CNKSR2: variants seen among roughly 807,000 people sequenced by gnomAD.
The protein encoded by CNKSR2 is CNK homolog protein 2.
In CNKSR2, 14 loss-of-function variants were observed where a neutral mutation model predicts 84.4. The observed-to-expected ratio is 0.17, with a 90% confidence interval of 0.11 to 0.26. The LOEUF is 0.26. Ranked by LOEUF, CNKSR2 falls within the 10% of genes least tolerant of loss-of-function variation. The pLI is 1.00. For synonymous variants in CNKSR2, 275 were observed against 277.9 expected (o/e 0.99, Z 0.10); for missense variants, 485 against 771.2 (o/e 0.63, Z 4.40).
At chrX:21,453,940 A>T (rs1392713173) in intron 4 of CNKSR2, among the ~76,000 whole-genome samples, 6 of 111,975 alleles carry the variant, frequency 5.4e-5, no homozygotes, top group African/African-American at 1.9e-4. Context: ...ACACACCTCC[A>T]TGATTTAATC....
intron 20 of CNKSR2, chrX:21,641,895 G>A (rs2092692830): frequency 1.2e-6 from 1 of 818,087 alleles, no homozygotes; most frequent in Non-Finnish European, 1.5e-6. Context: ...AGAAAACTGC[G>A]GTTTCTGTGG....
At chrX:21,422,782 A>G (rs2090515690) in intron 1 of CNKSR2, among the ~76,000 whole-genome samples, 1 of 111,477 alleles carries the variant, frequency 9.0e-6, no homozygotes, top group Admixed American at 9.5e-5. Context: ...TATTCCAATT[A>G]CCCTGTTTTT....
At position 21,652,424 on chromosome X, in the gene CNKSR2, A is replaced by G. The variant is rs1224065968; in HGVS notation, c.3008A>G (p.Asn1003Ser). 2.5e-6 allele frequency: 3 copies of G among 1,209,271 alleles called. No individual in the cohort carries two copies. In the Admixed American group the frequency reaches 6.5e-5, roughly 26 times the overall value. Residue 1003 changes from asparagine to serine, a missense_variant, in exon 22 of 22, where the codon AAT (asparagine) becomes AGT (serine). By Grantham distance (46) the Asn-to-Ser change is conservative (BLOSUM62 1). This residue lies in a region of CNKSR2 where 210 missense variants were observed against 291.5 expected (regional missense o/e 0.72). Coordinates refer to ENST00000379510, the MANE Select transcript of CNKSR2 (RefSeq NM_014927.5). ...YLDLFLDICQ[N>S]TTSNDPLSIS... Reference sequence around the variant, plus strand: ...GACCTTTTCTTGGATATCTGTCAAAATACCACCTCAAATGACCCACTGAGT... The same window carrying G: ...GACCTTTTCTTGGATATCTGTCAAAGTACCACCTCAAATGACCCACTGAGT...
intron 1 of CNKSR2, among the ~76,000 whole-genome samples, chrX:21,385,885 G>C (rs2089961875): frequency 9.1e-6 from 1 of 110,016 alleles, no homozygotes; most frequent in Admixed American, 9.7e-5. Context: ...ACGATGAGTT[G>C]TTTCTACTTC....
Position 21,552,931 on chromosome X carries a change from C to T in CNKSR2, c.1304-8540C>T, listed in dbSNP as rs1360088928. 3.6e-5 allele frequency among the ~76,000 whole-genome samples: 4 copies of T among 111,577 alleles called. No homozygotes were observed. In the Admixed American group the frequency reaches 3.8e-4, roughly 11 times the overall value. ...TGAATAATGACTGGAGACATTAGAG[C>T]AAATAATTAAAACAGTATACAGCCA... On this transcript the variant is annotated intron_variant, in intron 11 of 21. Transcript: ENST00000379510.
At chrX:21,605,598 G>C (rs889185687) in intron 18 of CNKSR2, among the ~76,000 whole-genome samples, 3 of 111,839 alleles carry the variant, frequency 2.7e-5, no homozygotes, top group African/African-American at 9.7e-5. Context: ...AGTCTCCAGA[G>C]CTTTAGGGTA....
intron 4 of CNKSR2, among the ~76,000 whole-genome samples, chrX:21,463,227 T>C (rs978654542): frequency 1.8e-5 from 2 of 110,910 alleles, no homozygotes; most frequent in African/African-American, 6.6e-5. Flanking sequence ...TGGAATTTGG[T>C]TTGCTAGTAT....
chrX:21,581,006 T>TTTGGGTG (rs1473949423), intron 13 of CNKSR2, among the ~76,000 whole-genome samples: 1 of 111,744 alleles, frequency 8.9e-6, no homozygotes, highest in African/African-American at 3.3e-5. Context: ...ATTGTACACA[T>TTTGGGTG]CAATCAGGCA....
At position 21,432,705 on chromosome X, in the gene CNKSR2, A is replaced by C. The variant is rs1204972877; in HGVS notation, c.322A>C (p.Arg108=). Reference sequence around the variant, plus strand: ...GCAGAATTTTATAACAGGAAGGAGAAGGAGTGGCCATTATGATGGGAGGAC... The same window carrying C: ...GCAGAATTTTATAACAGGAAGGAGACGGAGTGGCCATTATGATGGGAGGAC... ...NLQNFITGRR[R]SGHYDGRTSR... Residue 108 remains arginine (R), a synonymous_variant, in exon 3 of 22, where the codon AGG becomes CGG. Coordinates refer to ENST00000379510, the MANE Select transcript of CNKSR2 (RefSeq NM_014927.5). 1 of 1,206,717 alleles carries C rather than the reference A, an allele frequency of 8.3e-7. No individual in the cohort carries two copies. Among genetic ancestry groups the C allele is most frequent in the Non-Finnish European group, 1.1e-6 (1 of 891,930 alleles).
chrX:21,408,791 T>C (rs2090298979), intron 1 of CNKSR2, among the ~76,000 whole-genome samples: 1 of 110,872 alleles, frequency 9.0e-6, no homozygotes, highest in African/African-American at 3.3e-5. Flanking sequence ...TAAGTGAAGA[T>C]GATGTCCATA....
At chrX:21,623,411 G>A (rs2092610349) in intron 20 of CNKSR2, among the ~76,000 whole-genome samples, 1 of 111,543 alleles carries the variant, frequency 9.0e-6, no homozygotes, top group South Asian at 3.7e-4. Context: ...TCTAGTGCAA[G>A]ATACTTGCTG....
intron 20 of CNKSR2, among the ~76,000 whole-genome samples, chrX:21,617,603 G>GGCAA (rs2092582958): frequency 9.0e-6 from 1 of 111,596 alleles, no homozygotes; most frequent in East Asian, 2.8e-4. Flanking sequence ...ATTCTGGCAT[G>GGCAA]AATTTATTTT....
intron 1 of CNKSR2, among the ~76,000 whole-genome samples, chrX:21,394,846 A>T (rs1454457659): frequency 8.9e-6 from 1 of 112,042 alleles, no homozygotes; most frequent in East Asian, 2.8e-4. Flanking sequence ...GGTACTTAGC[A>T]CTAGAGCTCC....
chrX:21,464,370 T>G (rs763611918), intron 4 of CNKSR2, among the ~76,000 whole-genome samples: 201 of 112,150 alleles, frequency 1.8e-3, no homozygotes, highest in Non-Finnish European at 2.8e-3. Flanking sequence ...GAAGACTGTT[T>G]TTCCTACCTC....
intron 5 of CNKSR2, among the ~76,000 whole-genome samples, chrX:21,484,979 C>G (rs762062992): frequency 1.8e-5 from 2 of 111,231 alleles, no homozygotes; most frequent in African/African-American, 6.5e-5. Context: ...GTCAGGAGTT[C>G]GAGACCAGCC....
In CNKSR2 at chrX:21,440,739, T is replaced by C. The variant is rs376118490; in HGVS notation, c.477T>C (p.Asn159=). 7.5e-6 allele frequency: 9 copies of C among 1,195,138 alleles called. No homozygotes were observed. The highest frequency in any genetic ancestry group is 1.8e-5 in the African/African-American group (1 of 56,717). The change falls in exon 4 of 22, where the codon AAT becomes AAC. Residue 159 remains asparagine (N), a synonymous_variant. Transcript: ENST00000379510. ...AVTDYSVTRN[N]VIQLCLELTT... ...CAGACTATTCAGTTACAAGAAATAA[T>C]GTCATACAACTCTGCCTGGAGTTAA...
chrX:21,511,090 T>C (rs2091666338), intron 8 of CNKSR2, among the ~76,000 whole-genome samples: 1 of 111,817 alleles, frequency 8.9e-6, no homozygotes, highest in Non-Finnish European at 1.9e-5. Flanking sequence ...TAACAGTGTT[T>C]ATATGATGCA....
chrX:21,525,083 A>G (rs186566073), intron 9 of CNKSR2, among the ~76,000 whole-genome samples: 9 of 111,398 alleles, frequency 8.1e-5, no homozygotes, highest in Middle Eastern at 9.2e-3. Context: ...ACAGAGAGGA[A>G]AACAGTTATA....
At chrX:21,421,022 A>C (rs894770354) in intron 1 of CNKSR2, among the ~76,000 whole-genome samples, 2 of 111,588 alleles carry the variant, frequency 1.8e-5, no homozygotes, top group African/African-American at 6.5e-5. Context: ...ATAGCACTTT[A>C]GCCCATGGTG....
Sources: allele counts gnomAD v4.1 joint callset (sites outside exome capture counted in the v4.1 genomes callset), GRCh38; gene constraint gnomAD v4.1.1; regional missense constraint gnomAD v4.1.1; transcripts MANE v1.5; gene names NCBI Gene and HGNC (gene_info 2026-07-23, HGNC 2026-07-21).